CWF19L1: variants seen among roughly 807,000 people sequenced by gnomAD.
The protein encoded by CWF19L1 is CWF19-like protein 1.
In CWF19L1, 60 loss-of-function variants were observed where a neutral mutation model predicts 69.7. The ratio of observed to expected loss-of-function variants is 0.86; its 90% CI spans 0.70 to 1.07. The LOEUF (loss-of-function observed/expected upper bound fraction) is 1.07, where lower values mean the gene tolerates loss of function less well. CWF19L1 is among the 50% of genes least tolerant of loss of function. The pLI, the probability that CWF19L1 is intolerant of heterozygous loss-of-function variation, is 0.00. For missense variants in CWF19L1, 591 were observed against 638.9 expected, an observed-to-expected ratio of 0.92 and a Z score of 0.81; for synonymous variants, 209 against 222.2, an observed-to-expected ratio of 0.94 and a Z score of 0.53.
intron 8 of CWF19L1, 151 bp downstream of exon 8, chr10:100,246,644 G>T (rs763434936): frequency 3.1e-5 from 25 of 802,310 alleles, no homozygotes; most frequent in Non-Finnish European, 4.3e-5. Flanking sequence ...ACTAAGCTTA[G>T]CTGAAATCTA....
chr10:100,246,990 A>G, intron 7 of CWF19L1, 55 bp from the exon 8 acceptor site: 1 of 1,475,268 alleles, frequency 6.8e-7, no homozygotes, highest in Non-Finnish European at 9.2e-7. Context: ...ACCCAACTGT[A>G]ATCAACCTAT....
rs931582383 is a variant in CWF19L1 at position 100,262,285 on chromosome 10, T to C, written c.24-222A>G. 16 of 985,322 alleles carry C rather than the reference T, an allele frequency of 1.6e-5. 1 individual carries two copies. Among genetic ancestry groups the C allele is most frequent in the Middle Eastern group, 5.2e-4 (1 of 1,936 alleles). The allele number at this position is 985,322 out of a possible 1,614,324, so 61.0% of individuals were successfully genotyped here. ...ATTTAGCTTATCATTTACTCCACAA[T>C]TGAGCCAGCTTCTTCTCCTCATTCC... On this transcript the variant is annotated intron_variant, in intron 1 of 13. Coordinates refer to ENST00000354105, the MANE Select transcript of CWF19L1 (RefSeq NM_018294.6).
At chr10:100,251,139 T>C (rs1847015204) in intron 6 of CWF19L1, among the ~76,000 whole-genome samples, 1 of 152,130 alleles carries the variant, frequency 6.6e-6, no homozygotes, top group African/African-American at 2.4e-5. Flanking sequence ...GACATTTGGG[T>C]TGTTTGCATT....
At chr10:100,234,219 T>C (rs1055247502) in intron 13 of CWF19L1, among the ~76,000 whole-genome samples, 1 of 152,198 alleles carries the variant, frequency 6.6e-6, no homozygotes, top group Non-Finnish European at 1.5e-5. Flanking sequence ...TCAAAGAACC[T>C]AAGCTCCCTG....
chr10:100,253,126 C>A (rs1001859375), intron 6 of CWF19L1, among the ~76,000 whole-genome samples: 3 of 152,130 alleles, frequency 2.0e-5, no homozygotes, highest in African/African-American at 7.2e-5. Flanking sequence ...CTCGAGCGAG[C>A]CTCCTGCCTC....
intron 1 of CWF19L1, among the ~76,000 whole-genome samples, chr10:100,265,799 G>A (rs1847560459): frequency 6.6e-6 from 1 of 152,080 alleles, no homozygotes; most frequent in African/African-American, 2.4e-5. Flanking sequence ...GGGATTACAG[G>A]CATAAGCCAC....
chr10:100,246,661 T>C (rs554718359), intron 8 of CWF19L1, 134 bp downstream of exon 8: 83 of 945,906 alleles, frequency 8.8e-5, no homozygotes, highest in South Asian at 2.5e-4. Flanking sequence ...TCTACTAAGA[T>C]TTTCTAAACA....
At chr10:100,249,042 G>A (rs757212875) in intron 7 of CWF19L1, 39 of 579,766 alleles carry the variant, frequency 6.7e-5, no homozygotes, top group African/African-American at 3.3e-4. Flanking sequence ...CCCTGCCAGC[G>A]GGGCAGTCCA....
intron 7 of CWF19L1, chr10:100,250,024 T>C: frequency 1.8e-6 from 1 of 549,594 alleles, no homozygotes; most frequent in Non-Finnish European, 3.2e-6. Flanking sequence ...TATTTTGCCT[T>C]TATTCCTCTG....
rs76632824 is a variant in CWF19L1 at position 100,234,553 on chromosome 10, T to C, written c.1472+1114A>G. Among the ~76,000 whole-genome samples, 469 of 152,244 alleles carry C rather than the reference T, an allele frequency of 3.1e-3. 1 individual carries two copies. Among genetic ancestry groups the C allele is most frequent in the African/African-American group, 0.011 (456 of 41,542 alleles). On this transcript the variant is annotated intron_variant, in intron 13 of 13. Coordinates refer to ENST00000354105, the MANE Select transcript of CWF19L1 (RefSeq NM_018294.6). ...GAATCTCGTAGCACACTTGTTCCCA[T>C]TTATCTTTTTGAAAAATGTAGACAA... is the stretch of plus-strand genomic sequence containing the variant.
chr10:100,264,218 A>T (rs1171985119), intron 1 of CWF19L1, among the ~76,000 whole-genome samples: 1 of 152,242 alleles, frequency 6.6e-6, no homozygotes, highest in African/African-American at 2.4e-5. Context: ...GATAATGATA[A>T]TAAACAACTA....
chr10:100,256,321 C>G lies in CWF19L1; in HGVS notation c.445G>C (p.Val149Leu). 1 of 1,614,152 alleles carries G rather than the reference C, an allele frequency of 6.2e-7. No individual in the cohort carries two copies. The highest frequency in any genetic ancestry group is 8.5e-7 in the Non-Finnish European group (1 of 1,180,020). The change falls in exon 5 of 14, where the codon GTT (valine) becomes CTT (leucine). Residue 149 changes from valine to leucine, a missense_variant. By Grantham distance (32) the Val-to-Leu change is conservative (BLOSUM62 1). Coordinates refer to ENST00000354105, the MANE Select transcript of CWF19L1 (RefSeq NM_018294.6). ...CATGGGGATGTGAGCAAGATATCAA[C>G]ACCCTTAAACTGGGAGGTTGTACAC... ...MLCTTSQFKG[V>L]DILLTSPWPK...
At chr10:100,249,096 CGCAG>C (rs1846933561) in intron 7 of CWF19L1, 1 of 496,240 alleles carries the variant, frequency 2.0e-6, no homozygotes, top group Non-Finnish European at 3.7e-6. Flanking sequence ...CCTGCACCTC[CGCAG>C]GCCAACTGGG....
chr10:100,266,802 G>C (rs2039015), intron 1 of CWF19L1, among the ~76,000 whole-genome samples: 43,871 of 151,530 alleles, frequency 0.29, 8,009 homozygotes, highest in Non-Finnish European at 0.43. Flanking sequence ...TTACAGGCGT[G>C]AGCCACCGCG....
intron 1 of CWF19L1, 30 bp downstream of exon 1, chr10:100,267,541 G>A: frequency 6.2e-7 from 1 of 1,614,170 alleles, no homozygotes; most frequent in Non-Finnish European, 8.5e-7. Flanking sequence ...AGAGACACAG[G>A]GAGAGAGGCT....
intron 10 of CWF19L1, among the ~76,000 whole-genome samples, chr10:100,240,475 G>C (rs867276457): frequency 6.6e-6 from 1 of 152,152 alleles, no homozygotes; most frequent in Non-Finnish European, 1.5e-5. Context: ...GTAGACTCTA[G>C]GCTGAAATAC....
At chr10:100,241,636 T>C (rs866351668) in intron 10 of CWF19L1, among the ~76,000 whole-genome samples, 2 of 152,244 alleles carry the variant, frequency 1.3e-5, no homozygotes, top group African/African-American at 4.8e-5. Context: ...TCTATTTGGC[T>C]TGTGGTTCTG....
At chr10:100,247,946 GA>G (rs1018725462) in intron 7 of CWF19L1, among the ~76,000 whole-genome samples, 101 of 147,216 alleles carry the variant, frequency 6.9e-4, no homozygotes, top group Middle Eastern at 3.4e-3. Context: ...TATGGAGGGG[GA>G]AAAAAAAAAA....
chr10:100,249,586 C>CT (rs967265653), intron 7 of CWF19L1, among the ~76,000 whole-genome samples: 10 of 151,094 alleles, frequency 6.6e-5, no homozygotes, highest in South Asian at 4.2e-4. Flanking sequence ...CTCTGGGTTT[C>CT]TTTTTTTTTG....
Sources: gnomAD v4.1 joint callset for allele counts (sites outside exome capture counted in the v4.1 genomes callset) on GRCh38, gnomAD v4.1.1 for gene constraint, MANE v1.5 for transcripts, NCBI Gene and HGNC (gene_info 2026-07-23, HGNC 2026-07-21) for gene names.